TMEM117: variants seen among roughly 807,000 people sequenced by gnomAD.
TMEM117 encodes the protein transmembrane protein 117.
Under a neutral mutation model 52.4 loss-of-function variants are expected in TMEM117, and 27 were observed. The ratio of observed to expected loss-of-function variants is 0.51; its 90% CI spans 0.38 to 0.71. TMEM117 has a LOEUF of 0.71. TMEM117 is among the 30% of genes least tolerant of loss of function. TMEM117 has a pLI of 0.00. For missense variants in TMEM117, 556 were observed against 630.5 expected, an observed-to-expected ratio of 0.88 and a Z score of 1.26; for synonymous variants, 215 against 206.3, an observed-to-expected ratio of 1.04 and a Z score of -0.36.
chr12:44,272,211 A>C (rs1375016970), intron 5 of TMEM117, among the ~76,000 whole-genome samples: 1 of 152,092 alleles, frequency 6.6e-6, no homozygotes, highest in East Asian at 1.9e-4. Flanking sequence ...CCAAAAGCTA[A>C]ACAGACTCAA....
chr12:44,159,926 A>C (rs1948876122), intron 4 of TMEM117, among the ~76,000 whole-genome samples: 1 of 152,170 alleles, frequency 6.6e-6, no homozygotes, highest in Non-Finnish European at 1.5e-5. Flanking sequence ...AGGCACAGGA[A>C]CAAATGTAGG....
At chr12:44,357,210 G>A (rs1192340406) in intron 6 of TMEM117, among the ~76,000 whole-genome samples, 1 of 152,090 alleles carries the variant, frequency 6.6e-6, no homozygotes, top group Admixed American at 6.6e-5. Flanking sequence ...GCTCTCAGGG[G>A]CAGAAATAGT....
intron 4 of TMEM117, among the ~76,000 whole-genome samples, chr12:44,165,873 G>T (rs2138267892): frequency 6.6e-6 from 1 of 152,276 alleles, no homozygotes; most frequent in African/African-American, 2.4e-5. Flanking sequence ...AGACCAAATG[G>T]ACCTAACAGA....
At chr12:44,346,505 T>C (rs1381088824) in intron 6 of TMEM117, among the ~76,000 whole-genome samples, 1 of 152,140 alleles carries the variant, frequency 6.6e-6, no homozygotes, top group Admixed American at 6.6e-5. Context: ...GTTCTTGCAC[T>C]CATTCTCACC....
intron 2 of TMEM117, among the ~76,000 whole-genome samples, chr12:43,869,920 AC>A (rs905866440): frequency 2.0e-5 from 3 of 148,110 alleles, no homozygotes; most frequent in African/African-American, 7.5e-5. Context: ...TTCTCCCACC[AC>A]CCCCCATACT....
intron 6 of TMEM117, among the ~76,000 whole-genome samples, chr12:44,311,403 A>G (rs1950973158): frequency 1.3e-5 from 2 of 152,084 alleles, no homozygotes; most frequent in Admixed American, 1.3e-4. Flanking sequence ...AAAGATAAGT[A>G]GTTGTTTATA....
chr12:44,003,867 G>A (rs1320773242), intron 3 of TMEM117, among the ~76,000 whole-genome samples: 1 of 152,164 alleles, frequency 6.6e-6, no homozygotes, highest in Non-Finnish European at 1.5e-5. Flanking sequence ...AATGACATGA[G>A]TAGTCAGGAT....
intron 2 of TMEM117, among the ~76,000 whole-genome samples, chr12:43,854,818 G>C (rs1461930365): frequency 6.6e-6 from 1 of 151,958 alleles, no homozygotes; most frequent in Non-Finnish European, 1.5e-5. Context: ...TGTATTTTTA[G>C]TAGAGACAGG....
intron 4 of TMEM117, among the ~76,000 whole-genome samples, chr12:44,173,203 G>A (rs929970868): frequency 1.1e-4 from 17 of 152,258 alleles, no homozygotes; most frequent in East Asian, 3.9e-4. Context: ...GCCCTCCCAC[G>A]TAGTGGGGAC....
At chr12:43,912,053 T>A (rs1255151050) in intron 2 of TMEM117, among the ~76,000 whole-genome samples, 1 of 130,508 alleles carries the variant, frequency 7.7e-6, no homozygotes, top group Non-Finnish European at 1.7e-5. Flanking sequence ...CACACGTATG[T>A]TTATTGTGGC....
chr12:43,926,421 A>T (rs1944779669), intron 2 of TMEM117, among the ~76,000 whole-genome samples: 1 of 152,220 alleles, frequency 6.6e-6, no homozygotes, highest in Admixed American at 6.5e-5. Context: ...CATTTTCATA[A>T]GCTAGGGAAT....
intron 2 of TMEM117, among the ~76,000 whole-genome samples, chr12:43,849,483 C>G (rs1290869197): frequency 6.6e-6 from 1 of 152,178 alleles, no homozygotes; most frequent in Non-Finnish European, 1.5e-5. Flanking sequence ...AAACTTTTAT[C>G]TCTTATACTA....
chr12:44,005,425 A>C (rs1241081099), intron 3 of TMEM117, among the ~76,000 whole-genome samples: 1 of 152,238 alleles, frequency 6.6e-6, no homozygotes, highest in Admixed American at 6.5e-5. Context: ...TTTTCATAAC[A>C]GATAGTCACA....
chr12:44,376,246 C>T (rs948852996), intron 6 of TMEM117, among the ~76,000 whole-genome samples: 2 of 152,160 alleles, frequency 1.3e-5, no homozygotes, highest in African/African-American at 4.8e-5. Flanking sequence ...AACAAATTTA[C>T]CCCATATTTA....
chr12:43,862,269 C>T (rs967278288), intron 2 of TMEM117, among the ~76,000 whole-genome samples: 2 of 152,160 alleles, frequency 1.3e-5, no homozygotes, highest in African/African-American at 4.8e-5. Flanking sequence ...CCAGGATTCA[C>T]ACCATTCTCC....
chr12:44,247,465 A>T (rs1031806878), intron 5 of TMEM117, among the ~76,000 whole-genome samples: 2 of 152,170 alleles, frequency 1.3e-5, no homozygotes, highest in African/African-American at 4.8e-5. Flanking sequence ...ACAATTGTAC[A>T]TATTTATGGT....
At chr12:44,036,109 A>G (rs940090554) in intron 3 of TMEM117, among the ~76,000 whole-genome samples, 1 of 152,196 alleles carries the variant, frequency 6.6e-6, no homozygotes, top group Non-Finnish European at 1.5e-5. Context: ...CACAGAGATC[A>G]TTACAGATCT....
At chr12:44,089,219 T>TA (rs1472019698) in intron 3 of TMEM117, among the ~76,000 whole-genome samples, 1 of 152,188 alleles carries the variant, frequency 6.6e-6, no homozygotes, top group African/African-American at 2.4e-5. Flanking sequence ...AGAAGTGGTA[T>TA]AAAAAACTCC....
At chr12:44,089,996 A>T (rs146309897) in intron 3 of TMEM117, among the ~76,000 whole-genome samples, 1 of 152,206 alleles carries the variant, frequency 6.6e-6, no homozygotes, top group Admixed American at 6.5e-5. Context: ...AATACTTACC[A>T]CATAATGTCT....
Sources: allele counts gnomAD v4.1 joint callset (sites outside exome capture counted in the v4.1 genomes callset), GRCh38; gene constraint gnomAD v4.1.1; transcripts MANE v1.5; gene names NCBI Gene and HGNC (gene_info 2026-07-23, HGNC 2026-07-21).